The following RSPH4A variants were observed in gnomAD, a reference collection of about 807,000 sequenced individuals.
The protein encoded by RSPH4A is radial spoke head component 4A.
A neutral mutation model predicts 71.0 loss-of-function variants in RSPH4A; 47 were observed. The ratio of observed to expected loss-of-function variants is 0.66; its 90% confidence interval spans 0.52 to 0.84. RSPH4A has a LOEUF of 0.84. Among genes scored for constraint, RSPH4A ranks in the 40% least tolerant of loss-of-function variants. The probability of loss-of-function intolerance (pLI) is 0.00; values close to 1 mark genes in which losing one functional copy is unlikely to be tolerated. For synonymous variants in RSPH4A, 282 were observed against 302.3 expected, an observed-to-expected ratio of 0.93 and a Z score of 0.70; for missense variants, 793 against 855.2, an observed-to-expected ratio of 0.93 and a Z score of 0.91.
intron 2 of RSPH4A, among the ~76,000 whole-genome samples, chr6:116,626,090 A>C (rs1775687750): frequency 6.6e-6 from 1 of 152,218 alleles, no homozygotes; most frequent in Non-Finnish European, 1.5e-5. Flanking sequence ...AAGATGAAAT[A>C]GTTCTAGAGG....
In RSPH4A at chr6:116,632,676, A is replaced by G. The variant is rs1314922093; in HGVS notation, c.*235A>G. On this transcript the variant is annotated 3_prime_UTR_variant, in exon 6 of 6. Transcript: ENST00000229554. ...CAGAGGCTAAATAACATGCAATTGC[A>G]TAATTGTTCTGAGGGTTATGGATAA... 4.0e-6 allele frequency: 2 copies of G among 496,726 alleles called. No individual in the cohort carries two copies. Among genetic ancestry groups the G allele is most frequent in the Non-Finnish European group, 7.2e-6 (2 of 277,660 alleles). 30.8% of individuals were successfully genotyped at this position (496,726 alleles called of 1,614,324 possible).
At chr6:116,623,917 T>C (rs745382529) in intron 2 of RSPH4A, among the ~76,000 whole-genome samples, 5 of 152,220 alleles carry the variant, frequency 3.3e-5, no homozygotes, top group Non-Finnish European at 7.3e-5. Flanking sequence ...AAAAAAGCTA[T>C]AATTAGAGAA....
At chr6:116,632,018 G>A (rs1425832242) in intron 5 of RSPH4A, among the ~76,000 whole-genome samples, 189 bp from the exon 6 acceptor site, 1 of 151,902 alleles carries the variant, frequency 6.6e-6, no homozygotes, top group South Asian at 2.1e-4. Flanking sequence ...AGCTTAGGCA[G>A]TTTGGATGAA....
intron 2 of RSPH4A, among the ~76,000 whole-genome samples, chr6:116,623,216 G>C (rs898774036): frequency 3.3e-5 from 5 of 152,090 alleles, no homozygotes; most frequent in Non-Finnish European, 7.4e-5. Context: ...CTCCTGAGTA[G>C]CTGGGACTTC....
rs534514885 is a variant in RSPH4A, at chr6:116,632,572, C to A, written c.*131C>A. The A allele has an allele frequency of 4.6e-4, 544 of 1,184,358 alleles. 1 individual carries two copies. Among genetic ancestry groups the A allele is most frequent in the Non-Finnish European group, 3.7e-4 (317 of 857,962 alleles). 73.4% of individuals were successfully genotyped at this position (1,184,358 alleles called of 1,614,324 possible). ...GTAAGAAATTATTCAACTGCAAAAT[C>A]TCAATCTTGAAAATCAAGCTTGAAA... On this transcript the variant is annotated 3_prime_UTR_variant, in exon 6 of 6. Coordinates refer to ENST00000229554, the MANE Select transcript of RSPH4A (RefSeq NM_001010892.3).
Position 116,622,963 on chromosome 6 carries a change from A to T in RSPH4A, c.882A>T (p.Gly294=). 6.2e-7 allele frequency: 1 copy of T among 1,613,382 alleles called. No homozygotes were observed. Among genetic ancestry groups the T allele is most frequent in the African/African-American group, 1.3e-5 (1 of 75,046 alleles). ...AEKQKALFLQ[G]HLEGVDQELE... ...AGCAAAAGGCTCTTTTTCTCCAGGG[A>T]CATTTGGAAGGAGTTGACCAAGAAT... The change falls in exon 2 of 6, where the codon GGA becomes GGT. Residue 294 remains glycine (G), a synonymous_variant. Transcript: ENST00000229554.
At position 116,617,046 on chromosome 6, in the gene RSPH4A, C is replaced by T. The variant is rs866390964; in HGVS notation, c.423C>T (p.His141=). The T allele has an allele frequency of 5.0e-6, 8 of 1,614,226 alleles. 1 individual carries two copies. In the Middle Eastern group the frequency reaches 1.3e-3, roughly 266 times the overall value. ...SSDKRESTPH[H]TSQSEGNTFQ... is the part of the protein sequence containing the mutation. Reference sequence around the variant, plus strand: ...ATAAAAGAGAATCAACTCCTCATCACACAAGCCAGTCAGAAGGAAACACCT... The same window carrying T: ...ATAAAAGAGAATCAACTCCTCATCATACAAGCCAGTCAGAAGGAAACACCT... The change falls in exon 1 of 6, where the codon CAC becomes CAT. Residue 141 remains histidine (H), a synonymous_variant. Transcript: ENST00000229554.
chr6:116,622,818 A>C lies in RSPH4A; in HGVS notation c.737A>C (p.Glu246Ala). 1 of 1,613,386 alleles carries C rather than the reference A, an allele frequency of 6.2e-7. No homozygotes were observed. The highest frequency in any genetic ancestry group is 8.5e-7 in the Non-Finnish European group (1 of 1,179,408). The stretch of plus-strand genomic sequence containing the variant: ...ACCAAGATATTAAATGAGCGTCCTG[A>C]AAATGCTGTTGACATCTTTGAAAAT... ...MLTKILNERPENAVDIFENIS... is the reference protein window; with the variant it reads ...MLTKILNERPANAVDIFENIS... The change falls in exon 2 of 6, where the codon GAA (glutamate) becomes GCA (alanine). Residue 246 changes from glutamate (E) to alanine (A), a missense_variant. Glu to Ala is a moderately radical substitution (Grantham distance 107). Coordinates refer to ENST00000229554, the MANE Select transcript of RSPH4A (RefSeq NM_001010892.3).
rs1775759295 is a variant in RSPH4A, at chr6:116,629,607, A to G, written c.1703A>G (p.Glu568Gly). The G allele has an allele frequency of 6.2e-7, 1 of 1,612,728 alleles. No individual in the cohort carries two copies. The highest frequency in any genetic ancestry group is 8.5e-7 in the Non-Finnish European group (1 of 1,178,808). The change falls in exon 4 of 6, where the codon GAA becomes GGA. Residue 568 changes from glutamate to glycine, a missense_variant. Transcript: ENST00000229554. Reference protein sequence around the residue: ...NWFNSIQKNEEEEEEEDEEKD... With the variant: ...NWFNSIQKNEGEEEEEDEEKD... ...TTCAACTCCATACAAAAAAATGAGG[A>G]AGAAGAAGAGGAAGAAGATGAAGAA...
intron 1 of RSPH4A, 150 bp downstream of exon 1, chr6:116,617,459 C>T: frequency 1.6e-6 from 1 of 627,614 alleles, no homozygotes; most frequent in Non-Finnish European, 2.7e-6. Flanking sequence ...CTCTGGATCA[C>T]ATGACTCAAA....
chr6:116,624,388 G>T (rs1446482154), intron 2 of RSPH4A, among the ~76,000 whole-genome samples: 1 of 152,220 alleles, frequency 6.6e-6, no homozygotes, highest in Admixed American at 6.5e-5. Flanking sequence ...ATCAAAGAAA[G>T]TTCAGACTCC....
At position 116,620,984 on chromosome 6, in the gene RSPH4A, G is replaced by A. The variant is rs187258088; in HGVS notation, c.687-1784G>A. Among the ~76,000 whole-genome samples the A allele has an allele frequency of 1.3e-4, 20 of 152,096 alleles. 1 individual carries two copies. Among genetic ancestry groups the A allele is most frequent in the Admixed American group, 6.5e-5 (1 of 15,280 alleles). The stretch of plus-strand genomic sequence containing the variant: ...AGTGATTCTCCTGACTCAGCCTCCC[G>A]AGTAGCTAGAATTACAGGTGCCTGC... On this transcript the variant is annotated intron_variant, in intron 1 of 5. Transcript: ENST00000229554.
intron 1 of RSPH4A, 134 bp downstream of exon 1, chr6:116,617,443 A>T (rs1775530460): frequency 1.5e-6 from 1 of 666,166 alleles, no homozygotes; most frequent in Non-Finnish European, 2.5e-6. Flanking sequence ...AGAGTTAATG[A>T]CATAACTCTG....
In RSPH4A at chr6:116,627,828, G is replaced by GTGAGGGGGAAGA. The variant is rs1562391620; in HGVS notation, c.1125_1136dup (p.Gly376_Glu379dup). ...TATATTGTAGCTGAAGTGGAATTTC[G>GTGAGGGGGAAGA]TGAGGGGGAAGATGAAGAGGAAGTG... On this transcript the variant is annotated inframe_insertion, in exon 3 of 6. Transcript: ENST00000229554. 6.2e-7 allele frequency: 1 copy of GTGAGGGGGAAGA among 1,614,100 alleles called. No homozygotes were observed. Among genetic ancestry groups the GTGAGGGGGAAGA allele is most frequent in the Non-Finnish European group, 8.5e-7 (1 of 1,180,000 alleles).
chr6:116,627,953 G>T lies in RSPH4A; in HGVS notation c.1246G>T (p.Ala416Ser), dbSNP rs765312681. 6.2e-7 allele frequency: 1 copy of T among 1,614,032 alleles called. No homozygotes were observed. Among genetic ancestry groups the T allele is most frequent in the Non-Finnish European group, 8.5e-7 (1 of 1,180,032 alleles). The change falls in exon 3 of 6, where the codon GCT becomes TCT. Residue 416 changes from alanine (A) to serine (S), a missense_variant. Ala to Ser is a moderately conservative substitution (Grantham distance 99). Transcript: ENST00000229554. The stretch of plus-strand genomic sequence containing the variant: ...AAAGTCCTTTTACAAGGCCCCACAG[G>T]CTATACCAAAAGAAGAAAGTAGAAC... ...LPKSFYKAPQ[A>S]IPKEESRTGA... is the part of the protein sequence containing the mutation.
chr6:116,630,651 T>C lies in RSPH4A; in HGVS notation c.1916+99T>C. 4.7e-6 allele frequency: 3 copies of C among 641,198 alleles called. No individual in the cohort carries two copies. The South Asian group carries it at 4.8e-5, about 10-fold the overall frequency. The allele number at this position is 641,198 out of a possible 1,614,324, so 39.7% of individuals were successfully genotyped here. A position where few individuals can be genotyped will look rare whatever the true frequency, so the allele number is the denominator to read the frequency against. On this transcript the variant is annotated intron_variant, in intron 5 of 5. Transcript: ENST00000229554. The stretch of plus-strand genomic sequence containing the variant: ...TGTTAAGCTACTATCGTTGTTTCTT[T>C]GGTTTTTTTTTTCGTGTTTTTTTTT...
At position 116,627,609 on chromosome 6, in the gene RSPH4A, C is replaced by A; in HGVS notation, c.922-20C>A. 1.3e-6 allele frequency: 2 copies of A among 1,581,664 alleles called. No homozygotes were observed. The highest frequency in any genetic ancestry group is 1.7e-6 in the Non-Finnish European group (2 of 1,150,386). ...ATTTGTCTTATTGATAAATTTTAAC[C>A]ACAGCATTTGTTTCCCCAGGCAGAA... On this transcript the variant is annotated intron_variant, in intron 2 of 5. Coordinates refer to ENST00000229554, the MANE Select transcript of RSPH4A (RefSeq NM_001010892.3).
rs1349949219 is a variant in RSPH4A at position 116,628,332 on chromosome 6, C to A, written c.1625C>A (p.Ser542Tyr). Residue 542 changes from serine (S) to tyrosine (Y), a missense_variant, in exon 3 of 6, where the codon TCC (serine) becomes TAC (tyrosine). Ser to Tyr is a moderately radical substitution (Grantham distance 144, BLOSUM62 -2). Coordinates refer to ENST00000229554, the MANE Select transcript of RSPH4A (RefSeq NM_001010892.3). ...GTGATTGATCTAGTAGAATCCCTAT[C>A]CAATTGGGTTCATCATGTACAGCAT... ...IQVIDLVESL[S>Y]NWVHHVQHIL... is the part of the protein sequence containing the mutation. 6.2e-7 allele frequency: 1 copy of A among 1,612,772 alleles called. No homozygotes were observed. Among genetic ancestry groups the A allele is most frequent in the Non-Finnish European group, 8.5e-7 (1 of 1,179,674 alleles).
chr6:116,616,492 G>A lies in RSPH4A; in HGVS notation c.-132G>A, dbSNP rs1194007807. On this transcript the variant is annotated 5_prime_UTR_variant, in exon 1 of 6. Transcript: ENST00000229554. ...CCTGGGGTTGCTATGGAGATAGGAC[G>A]CAGCAACTCACAGAGCAACCAGGAC... 2 of 793,440 alleles carry A rather than the reference G, an allele frequency of 2.5e-6. No individual in the cohort carries two copies. The highest frequency in any genetic ancestry group is 2.2e-5 in the Admixed American group (1 of 46,068). 49.1% of individuals were successfully genotyped at this position (793,440 alleles called of 1,614,324 possible). A position where few individuals can be genotyped will look rare whatever the true frequency, so the allele number is the denominator to read the frequency against.
Sources: gnomAD v4.1 joint callset for allele counts (sites outside exome capture counted in the v4.1 genomes callset) on GRCh38, gnomAD v4.1.1 for gene constraint, MANE v1.5 for transcripts, NCBI Gene and HGNC (gene_info 2026-07-23, HGNC 2026-07-21) for gene names.